Variants in CNTN4 observed in about 807,000 individuals in gnomAD.
CNTN4 encodes the protein contactin-4.
A neutral mutation model predicts 122.5 loss-of-function variants in CNTN4; 77 were observed. The ratio of observed to expected loss-of-function variants is 0.63; its 90% confidence interval spans 0.52 to 0.76. CNTN4 has a LOEUF of 0.76. CNTN4 is among the 30% of genes least tolerant of loss of function. CNTN4 has a pLI of 0.00. For missense variants in CNTN4, 1,256 were observed against 1,259.1 expected (o/e 1.00, Z 0.04); for synonymous variants, 512 against 447.0 (o/e 1.15, Z -1.83).
chr3:3,051,942 C>T (rs2125894560), intron 23 of CNTN4, among the ~76,000 whole-genome samples: 1 of 152,286 alleles, frequency 6.6e-6, no homozygotes, highest in African/African-American at 2.4e-5. Flanking sequence ...CCTGGACCAT[C>T]AGCACTGGCA....
chr3:2,808,672 C>T (rs988529774), intron 6 of CNTN4, among the ~76,000 whole-genome samples: 1 of 152,068 alleles, frequency 6.6e-6, no homozygotes, highest in Admixed American at 6.6e-5. Context: ...GGTGAGTGGG[C>T]GAGTGGGTGG....
At chr3:2,193,899 A>G (rs1047892678) in intron 2 of CNTN4, among the ~76,000 whole-genome samples, 1 of 152,184 alleles carries the variant, frequency 6.6e-6, no homozygotes, top group African/African-American at 2.4e-5. Flanking sequence ...CATCTAGCCT[A>G]GGTGTGTAGT....
In CNTN4 at chr3:2,770,429, G is replaced by C. The variant is rs571863685; in HGVS notation, c.358+24732G>C. ...CTTTTGCACACACAAACCTTCCCTG[G>C]TGGGGGAGGGCCAAGGGCCCTCAGC... On this transcript the variant is annotated intron_variant, in intron 6 of 24. Transcript: ENST00000418658. Among the ~76,000 whole-genome samples the C allele has an allele frequency of 9.2e-5, 14 of 152,344 alleles. No homozygotes were observed. In the East Asian group the frequency reaches 2.7e-3, roughly 29 times the overall value.
At chr3:2,938,772 C>T (rs1198531915) in intron 13 of CNTN4, among the ~76,000 whole-genome samples, 1 of 152,094 alleles carries the variant, frequency 6.6e-6, no homozygotes, top group African/African-American at 2.4e-5. Flanking sequence ...GGGTTAGAAC[C>T]ATGTAAACCC....
intron 12 of CNTN4, among the ~76,000 whole-genome samples, chr3:2,916,725 C>G (rs983721635): frequency 6.9e-6 from 1 of 144,948 alleles, no homozygotes; most frequent in African/African-American, 2.7e-5. Flanking sequence ...GTACACCTCC[C>G]AGACGGGGTG....
At chr3:3,028,613 G>T (rs772557619) in intron 15 of CNTN4, among the ~76,000 whole-genome samples, 2 of 152,088 alleles carry the variant, frequency 1.3e-5, no homozygotes, top group African/African-American at 2.4e-5. Flanking sequence ...TTTCCCTAAG[G>T]CCAATGTGGC....
At chr3:3,037,084 T>C in intron 17 of CNTN4, 95 bp from the exon 18 acceptor site, 1 of 1,383,146 alleles carries the variant, frequency 7.2e-7, no homozygotes, top group Non-Finnish European at 1.0e-6. Flanking sequence ...ACAATAATGA[T>C]GAGGATGGAT....
At chr3:2,986,566 T>C (rs1301609487) in intron 13 of CNTN4, among the ~76,000 whole-genome samples, 1 of 152,174 alleles carries the variant, frequency 6.6e-6, no homozygotes, top group Non-Finnish European at 1.5e-5. Context: ...TTCAAAAAAG[T>C]ATATGCAGCA....
intron 2 of CNTN4, among the ~76,000 whole-genome samples, chr3:2,294,546 G>T (rs563509943): frequency 2.6e-5 from 4 of 152,196 alleles, no homozygotes; most frequent in South Asian, 2.1e-4. Flanking sequence ...TGGGAGGATC[G>T]CTTGAGCCTG....
intron 3 of CNTN4, among the ~76,000 whole-genome samples, chr3:2,480,666 G>A (rs2075964923): frequency 1.3e-5 from 2 of 152,206 alleles, no homozygotes; most frequent in African/African-American, 2.4e-5. Flanking sequence ...CATATTGTGA[G>A]GAGGTCAGTT....
chr3:2,389,963 T>C (rs4685519), intron 3 of CNTN4, among the ~76,000 whole-genome samples: 47,377 of 151,960 alleles, frequency 0.31, 7,653 homozygotes, highest in African/African-American at 0.38. Flanking sequence ...TTAAAGGAGA[T>C]TAAAGGGACA....
chr3:3,054,630 G>GA (rs372487690), intron 24 of CNTN4, among the ~76,000 whole-genome samples: 1,630 of 151,818 alleles, frequency 0.011, 36 homozygotes, highest in African/African-American at 0.037. Flanking sequence ...TTTATTTAAA[G>GA]AAAAAAAACA....
Position 3,037,246 on chromosome 3 carries a change from T to C in CNTN4, c.2010T>C (p.Tyr670=), listed in dbSNP as rs1386385123. Residue 670 remains tyrosine (Y), a synonymous_variant, in exon 18 of 25, where the codon TAT becomes TAC. Transcript: ENST00000418658. ...TVVGLNPWVE[Y]EFRTVAANVI... Reference sequence around the variant, plus strand: ...TGGGTTTGAACCCTTGGGTTGAATATGAATTCCGCACAGTTGCAGCCAACG... The same window carrying C: ...TGGGTTTGAACCCTTGGGTTGAATACGAATTCCGCACAGTTGCAGCCAACG... 2.5e-6 allele frequency: 4 copies of C among 1,614,210 alleles called. No homozygotes were observed. Among genetic ancestry groups the C allele is most frequent in the East Asian group, 2.2e-5 (1 of 44,886 alleles).
At chr3:2,222,785 C>T (rs922855851) in intron 2 of CNTN4, among the ~76,000 whole-genome samples, 5 of 152,048 alleles carry the variant, frequency 3.3e-5, no homozygotes, top group African/African-American at 9.7e-5. Context: ...GAAAAGAATG[C>T]TGAGATATAT....
chr3:2,646,088 A>G (rs1230670324), intron 4 of CNTN4, among the ~76,000 whole-genome samples: 1 of 152,156 alleles, frequency 6.6e-6, no homozygotes, highest in Non-Finnish European at 1.5e-5. Flanking sequence ...TTGTCTATCT[A>G]AGAGTCAGTG....
intron 13 of CNTN4, among the ~76,000 whole-genome samples, chr3:2,930,379 T>C (rs1000944849): frequency 2.0e-5 from 3 of 151,992 alleles, no homozygotes; most frequent in African/African-American, 7.3e-5. Context: ...TGATATAACA[T>C]AGAAAGACCA....
intron 2 of CNTN4, among the ~76,000 whole-genome samples, chr3:2,141,206 A>G (rs1365059556): frequency 6.6e-6 from 1 of 152,158 alleles, no homozygotes; most frequent in African/African-American, 2.4e-5. Context: ...GAACCTCTGA[A>G]TATGCTACCT....
chr3:2,927,067 C>G (rs1325047283), intron 13 of CNTN4, among the ~76,000 whole-genome samples: 1 of 152,044 alleles, frequency 6.6e-6, no homozygotes, highest in Non-Finnish European at 1.5e-5. Context: ...TGAAATATAA[C>G]TAGTATGTAC....
rs114049148 is a variant in CNTN4 at position 2,238,303 on chromosome 3, A to G, written c.-144-100875A>G. ...CTTTTCCTTATGAATTATGGAATAT[A>G]TAGCTAAATCTTATATAAACAATAT... On this transcript the variant is annotated intron_variant, in intron 2 of 24. Transcript: ENST00000418658. Among the ~76,000 whole-genome samples the G allele has an allele frequency of 4.0e-3, 614 of 152,240 alleles. 7 individuals are homozygous for G. The highest frequency in any genetic ancestry group is 0.014 in the African/African-American group (591 of 41,562).
Sources: allele counts gnomAD v4.1 joint callset (sites outside exome capture counted in the v4.1 genomes callset), GRCh38; gene constraint gnomAD v4.1.1; transcripts MANE v1.5; gene names NCBI Gene and HGNC (gene_info 2026-07-23, HGNC 2026-07-21).